L3MBTL4: variants seen among roughly 807,000 people sequenced by gnomAD.
L3MBTL4 encodes lethal(3)malignant brain tumor-like protein 4.
In L3MBTL4, 70 loss-of-function variants were observed where a neutral mutation model predicts 84.5. The ratio of observed to expected loss-of-function variants is 0.83; its 90% CI spans 0.68 to 1.01. The LOEUF is 1.01. Ranked by LOEUF, L3MBTL4 falls within the 50% of genes least tolerant of loss-of-function variation. L3MBTL4 has a pLI of 0.00. For missense variants in L3MBTL4, 715 were observed against 754.8 expected (o/e 0.95, Z 0.62); for synonymous variants, 274 against 259.8 (o/e 1.05, Z -0.52).
At chr18:6,050,803 C>A (rs902847496) in intron 16 of L3MBTL4, among the ~76,000 whole-genome samples, 4 of 152,062 alleles carry the variant, frequency 2.6e-5, no homozygotes, top group Non-Finnish European at 5.9e-5. Flanking sequence ...TTATTCCTCC[C>A]AGCTCATAAT....
intron 9 of L3MBTL4, among the ~76,000 whole-genome samples, chr18:6,239,340 CA>C (rs751491795): frequency 0.027 from 1,385 of 50,404 alleles, 9 homozygotes; most frequent in African/African-American, 0.054. Flanking sequence ...GACTCCGTCT[CA>C]AAAAAAAAAA....
chr18:6,303,761 C>G (rs1404989746), intron 3 of L3MBTL4, among the ~76,000 whole-genome samples: 1 of 152,132 alleles, frequency 6.6e-6, no homozygotes, highest in African/African-American at 2.4e-5. Flanking sequence ...AAAAAATAGA[C>G]TGCACATTTG....
At chr18:6,012,224 A>G (rs1349242568) in intron 16 of L3MBTL4, among the ~76,000 whole-genome samples, 1 of 152,148 alleles carries the variant, frequency 6.6e-6, no homozygotes, top group African/African-American at 2.4e-5. Context: ...ATCAAGATGA[A>G]GAATGGAGGA....
intron 12 of L3MBTL4, among the ~76,000 whole-genome samples, chr18:6,189,849 T>C (rs1039865751): frequency 4.6e-5 from 7 of 151,856 alleles, no homozygotes; most frequent in African/African-American, 1.5e-4. Flanking sequence ...GAAAAAAGAA[T>C]AGGTAAAAGT....
At chr18:6,384,345 T>C (rs754339146) in intron 1 of L3MBTL4, among the ~76,000 whole-genome samples, 1 of 152,080 alleles carries the variant, frequency 6.6e-6, no homozygotes, top group Non-Finnish European at 1.5e-5. Flanking sequence ...CACATCCATA[T>C]ACATATATCT....
chr18:6,099,900 T>G (rs2058764474), intron 14 of L3MBTL4, among the ~76,000 whole-genome samples: 1 of 152,080 alleles, frequency 6.6e-6, no homozygotes. Flanking sequence ...AAGAGTTGGA[T>G]GAAATGCATT....
At chr18:6,286,107 G>A (rs1025647684) in intron 4 of L3MBTL4, among the ~76,000 whole-genome samples, 40 of 151,516 alleles carry the variant, frequency 2.6e-4, no homozygotes, top group Admixed American at 2.0e-3. Flanking sequence ...TGGGATTAAA[G>A]GCGTGAGCCA....
chr18:6,277,874 A>G (rs939719700), intron 4 of L3MBTL4, among the ~76,000 whole-genome samples: 3 of 152,108 alleles, frequency 2.0e-5, no homozygotes, highest in Non-Finnish European at 2.9e-5. Flanking sequence ...ATTAATTCCA[A>G]TAGTTTATCA....
chr18:6,320,917 A>C (rs528704031), intron 1 of L3MBTL4, among the ~76,000 whole-genome samples: 1 of 152,312 alleles, frequency 6.6e-6, no homozygotes, highest in African/African-American at 2.4e-5. Context: ...GTAACAGAAT[A>C]GAGAACCCAG....
At chr18:6,086,344 C>T (rs2058258344) in intron 15 of L3MBTL4, among the ~76,000 whole-genome samples, 1 of 152,088 alleles carries the variant, frequency 6.6e-6, no homozygotes, top group African/African-American at 2.4e-5. Context: ...AAAGCCTGAG[C>T]CAAGGCAGGA....
intron 1 of L3MBTL4, among the ~76,000 whole-genome samples, chr18:6,359,065 A>C (rs2143958372): frequency 6.6e-6 from 1 of 152,392 alleles, no homozygotes; most frequent in South Asian, 2.1e-4. Flanking sequence ...CAGACCTGCA[A>C]CACAAGCTTA....
intron 15 of L3MBTL4, among the ~76,000 whole-genome samples, chr18:6,091,067 C>G (rs1033994243): frequency 6.6e-6 from 1 of 152,118 alleles, no homozygotes; most frequent in Non-Finnish European, 1.5e-5. Flanking sequence ...TAAATATTCT[C>G]CATCACCTGT....
chr18:6,271,288 C>T (rs1245370582), intron 4 of L3MBTL4, among the ~76,000 whole-genome samples: 2 of 152,122 alleles, frequency 1.3e-5, no homozygotes, highest in African/African-American at 4.8e-5. Context: ...GGCGCGTTAA[C>T]TAGTTTTATT....
At chr18:5,984,201 C>T (rs946689455) in intron 16 of L3MBTL4, among the ~76,000 whole-genome samples, 3 of 152,170 alleles carry the variant, frequency 2.0e-5, no homozygotes, top group African/African-American at 7.2e-5. Flanking sequence ...CATGAGCCAC[C>T]GCACCCTGCC....
At chr18:6,371,816 T>A (rs1440134325) in intron 1 of L3MBTL4, among the ~76,000 whole-genome samples, 1 of 152,370 alleles carries the variant, frequency 6.6e-6, no homozygotes, top group East Asian at 1.9e-4. Context: ...TAAGAAATCA[T>A]TATTTTAATT....
intron 1 of L3MBTL4, among the ~76,000 whole-genome samples, chr18:6,333,518 T>G (rs934697087): frequency 6.8e-6 from 1 of 147,834 alleles, no homozygotes; most frequent in East Asian, 2.0e-4. Flanking sequence ...GAGGTTGCAG[T>G]GAGCCAAGAT....
At chr18:6,274,767 C>G (rs532104866) in intron 4 of L3MBTL4, among the ~76,000 whole-genome samples, 21 of 152,274 alleles carry the variant, frequency 1.4e-4, no homozygotes, top group African/African-American at 4.8e-4. Context: ...GGAAGGAGAT[C>G]ATGGCGCACG....
intron 16 of L3MBTL4, among the ~76,000 whole-genome samples, chr18:6,001,460 A>G (rs991126495): frequency 6.6e-6 from 1 of 152,184 alleles, no homozygotes; most frequent in Admixed American, 6.5e-5. Context: ...TAAAACAATT[A>G]AAAAACCCCA....
intron 16 of L3MBTL4, among the ~76,000 whole-genome samples, chr18:6,060,896 T>A (rs1324861241): frequency 6.6e-6 from 1 of 152,150 alleles, no homozygotes; most frequent in Non-Finnish European, 1.5e-5. Flanking sequence ...TCACCTATTA[T>A]CCATTCACCT....
Sources: gnomAD v4.1 joint callset for allele counts (sites outside exome capture counted in the v4.1 genomes callset) on GRCh38, gnomAD v4.1.1 for gene constraint, MANE v1.5 for transcripts, NCBI Gene and HGNC (gene_info 2026-07-23, HGNC 2026-07-21) for gene names.